WNT5B: variants seen among roughly 807,000 people sequenced by gnomAD.
The protein encoded by WNT5B is Wnt family member 5B.
In WNT5B, 18 loss-of-function variants were observed where a neutral mutation model predicts 36.5. The ratio of observed to expected loss-of-function variants is 0.49; its 90% CI spans 0.34 to 0.73. The LOEUF (loss-of-function observed/expected upper bound fraction) is 0.73, where lower values mean the gene tolerates loss of function less well. Ranked by LOEUF, WNT5B falls within the 30% of genes least tolerant of loss-of-function variation. WNT5B has a pLI of 0.01. For synonymous variants in WNT5B, 213 were observed against 212.3 expected, an observed-to-expected ratio of 1.00 and a Z score of -0.03; for missense variants, 424 against 508.4, an observed-to-expected ratio of 0.83 and a Z score of 1.60.
At chr12:1,620,732 T>G (rs2094532652) in intron 1 of WNT5B, among the ~76,000 whole-genome samples, 1 of 137,706 alleles carries the variant, frequency 7.3e-6, no homozygotes, top group Non-Finnish European at 1.6e-5. Flanking sequence ...TTAGACGGAG[T>G]CTCGCTCTGT....
Position 1,646,020 on chromosome 12 carries a change from C to G in WNT5B, c.848C>G (p.Pro283Arg). The G allele has an allele frequency of 1.2e-6, 2 of 1,612,752 alleles. No homozygotes were observed. The highest frequency in any genetic ancestry group is 1.3e-5 in the African/African-American group (1 of 75,068). ...PTPEDLVYVD[P>R]SPDYCLRNES... ...CCGGAGGACCTGGTCTATGTGGACC[C>G]CAGCCCCGACTACTGCCTGCGCAAC... is the stretch of plus-strand genomic sequence containing the variant. Residue 283 changes from proline (P) to arginine (R), a missense_variant, in exon 5 of 5, where the codon CCC becomes CGC. Transcript: ENST00000397196.
chr12:1,637,742 T>A (rs1330302354), intron 3 of WNT5B, among the ~76,000 whole-genome samples: 1 of 149,812 alleles, frequency 6.7e-6, no homozygotes, highest in Non-Finnish European at 1.5e-5. Context: ...AGACTGAGAC[T>A]CTGTCTCAAA....
intron 1 of WNT5B, among the ~76,000 whole-genome samples, chr12:1,622,166 A>G (rs1464252155): frequency 2.2e-5 from 3 of 137,916 alleles, no homozygotes; most frequent in Admixed American, 1.6e-4. Flanking sequence ...GCTGGAGTGC[A>G]GTGGCGTGAT....
chr12:1,621,707 ATTTTTT>A (rs34640616), intron 1 of WNT5B, among the ~76,000 whole-genome samples: 2 of 141,010 alleles, frequency 1.4e-5, no homozygotes, highest in Non-Finnish European at 3.1e-5. Flanking sequence ...ATATCCAGCT[ATTTTTT>A]TTTTTTTTTT....
chr12:1,630,201 G>A lies in WNT5B; in HGVS notation c.-58+830G>A. On this transcript the variant is annotated intron_variant, in intron 1 of 4. Coordinates refer to ENST00000397196, the MANE Select transcript of WNT5B (RefSeq NM_032642.3). This position sits in a 1 kb window ranked among gnomAD's most constrained non-coding sequence, Gnocchi z 5.3. Reference sequence around the variant, plus strand: ...ACGCGCGAGAGTGGCGCAGTGAGCCGGGGCGCGCGGGGCTGCGCTCGTCAG... The same window carrying A: ...ACGCGCGAGAGTGGCGCAGTGAGCCAGGGCGCGCGGGGCTGCGCTCGTCAG... 2 of 985,390 alleles carry A rather than the reference G, an allele frequency of 2.0e-6. No homozygotes were observed. The highest frequency in any genetic ancestry group is 2.4e-6 in the Non-Finnish European group (2 of 829,930). The allele number at this position is 985,390 out of a possible 1,614,324, so 61.0% of individuals were successfully genotyped here. A position where few individuals can be genotyped will look rare whatever the true frequency, so the allele number is the denominator to read the frequency against.
At chr12:1,628,259 G>A (rs532048675), upstream of WNT5B, among the ~76,000 whole-genome samples, 6 of 151,884 alleles carry the variant, frequency 4.0e-5, no homozygotes, top group African/African-American at 4.8e-5. Context: ...AGGTTCAAGC[G>A]ATTCTCCTGC....
Position 1,646,215 on chromosome 12 carries a change from A to AG in WNT5B, c.1044dup (p.Cys349ValfsTer11), listed in dbSNP as rs1321637608. 2 of 1,613,500 alleles carry AG rather than the reference A, an allele frequency of 1.2e-6. No homozygotes were observed. The highest frequency in any genetic ancestry group is 1.7e-6 in the Non-Finnish European group (2 of 1,179,916). On this transcript the variant is annotated frameshift_variant, in exon 5 of 5. Coordinates refer to ENST00000397196, the MANE Select transcript of WNT5B (RefSeq NM_032642.3). LOFTEE classifies it high-confidence loss of function. ...TGGTGCTGCTTCGTCAGGTGTAAGAAGTGCACGGAGATCGTGGACCAGTAC... is the reference window on the plus strand; with the variant it reads ...TGGTGCTGCTTCGTCAGGTGTAAGAAGGTGCACGGAGATCGTGGACCAGTAC...
rs1344102251 is a variant in WNT5B, at chr12:1,636,497, C to CCA, written c.329-3187_329-3186insCA. On this transcript the variant is annotated intron_variant, in intron 3 of 4. Coordinates refer to ENST00000397196, the MANE Select transcript of WNT5B (RefSeq NM_032642.3). ...TTTAAAGGTTCATCTGTGTTGCAGT[C>CCA]TATATATATATATATATATATATAT... 1.5e-3 allele frequency among the ~76,000 whole-genome samples: 123 copies of CCA among 81,106 alleles called. 1 individual carries two copies. Among genetic ancestry groups the CCA allele is most frequent in the African/African-American group, 4.8e-3 (105 of 21,932 alleles). 53.2% of individuals were successfully genotyped at this position (81,106 alleles called of 152,430 possible). A position where few individuals can be genotyped will look rare whatever the true frequency, so the allele number is the denominator to read the frequency against.
chr12:1,624,011 G>A (rs896974878), intron 1 of WNT5B, among the ~76,000 whole-genome samples: 2 of 152,104 alleles, frequency 1.3e-5, no homozygotes, highest in Middle Eastern at 3.2e-3. Flanking sequence ...CTTGCTTTTT[G>A]TGATATCTCC....
chr12:1,640,489 T>TA (rs1181994416), intron 4 of WNT5B, among the ~76,000 whole-genome samples: 1 of 152,194 alleles, frequency 6.6e-6, no homozygotes, highest in East Asian at 1.9e-4. Context: ...ACTTCTGAGC[T>TA]AGGAGATTTT....
intron 3 of WNT5B, among the ~76,000 whole-genome samples, chr12:1,636,177 G>A (rs1025542119): frequency 6.6e-6 from 1 of 151,778 alleles, no homozygotes; most frequent in African/African-American, 2.4e-5. Context: ...CAGCTTTATT[G>A]AGATACATAA....
At chr12:1,635,630 C>A (rs1408501603) in intron 3 of WNT5B, among the ~76,000 whole-genome samples, 2 of 152,188 alleles carry the variant, frequency 1.3e-5, no homozygotes, top group African/African-American at 4.8e-5. Flanking sequence ...TAGCTCGGGG[C>A]TGAAGCTTGG....
chr12:1,644,773 G>C lies in WNT5B; in HGVS notation c.622-1021G>C, dbSNP rs565745741. ...GCCGTTGAAAAGCACTCTGTAAGCAGCTTTCTGGTCTGCTCTTGCTTTTAC... is the reference window on the plus strand; with the variant it reads ...GCCGTTGAAAAGCACTCTGTAAGCACCTTTCTGGTCTGCTCTTGCTTTTAC... On this transcript the variant is annotated intron_variant, in intron 4 of 4. Transcript: ENST00000397196. This position sits in a 1 kb window ranked among gnomAD's most constrained non-coding sequence, Gnocchi z 5.1. 12 of 152,368 alleles carry C rather than the reference G, an allele frequency of 7.9e-5. No homozygotes were observed. The highest frequency in any genetic ancestry group is 2.9e-4 in the African/African-American group (12 of 41,596). 9.4% of individuals were successfully genotyped at this position (152,368 alleles called of 1,614,324 possible).
intron 1 of WNT5B, among the ~76,000 whole-genome samples, chr12:1,621,855 T>C (rs2094534207): frequency 6.6e-6 from 1 of 152,048 alleles, no homozygotes; most frequent in African/African-American, 2.4e-5. Context: ...CCATATTAGA[T>C]TTTGGAGGGA....
Position 1,630,191 on chromosome 12 carries a change from G to T in WNT5B, c.-58+820G>T. 3.0e-6 allele frequency: 3 copies of T among 985,326 alleles called. No individual in the cohort carries two copies. Among genetic ancestry groups the T allele is most frequent in the Non-Finnish European group, 3.6e-6 (3 of 829,920 alleles). 61.0% of individuals were successfully genotyped at this position (985,326 alleles called of 1,614,324 possible). ...GGGGACGCCGACGCGCGAGAGTGGC[G>T]CAGTGAGCCGGGGCGCGCGGGGCTG... On this transcript the variant is annotated intron_variant, in intron 1 of 4. Coordinates refer to ENST00000397196, the MANE Select transcript of WNT5B (RefSeq NM_032642.3). This position sits in a 1 kb window ranked among gnomAD's most constrained non-coding sequence, Gnocchi z 5.3.
chr12:1,639,688 C>G lies in WNT5B; in HGVS notation c.333C>G (p.Ser111Arg). ...CGCCCTGGCCTCATTCTGCAGGCAG[C>G]CGAGAGACCGCCTTCACCCACGCGG... is the stretch of plus-strand genomic sequence containing the variant. ...SVFGRVMQIGSRETAFTHAVS... is the reference protein window; with the variant it reads ...SVFGRVMQIGRRETAFTHAVS... Residue 111 changes from serine (S) to arginine (R), a missense_variant, in exon 4 of 5, where the codon AGC (serine) becomes AGG (arginine). Transcript: ENST00000397196. 1 of 1,555,474 alleles carries G rather than the reference C, an allele frequency of 6.4e-7. No individual in the cohort carries two copies. Among genetic ancestry groups the G allele is most frequent in the South Asian group, 1.2e-5 (1 of 84,642 alleles).
Position 1,639,899 on chromosome 12 carries a change from G to GAGA in WNT5B, c.549_551dup (p.Lys183dup). On this transcript the variant is annotated inframe_insertion, in exon 4 of 5. Coordinates refer to ENST00000397196, the MANE Select transcript of WNT5B (RefSeq NM_032642.3). ...GGAGTTTGTGGATGCCCGGGAGCGAGAGAAGAACTTTGCCAAAGGATCAGA... is the reference window on the plus strand; with the variant it reads ...GGAGTTTGTGGATGCCCGGGAGCGAGAGAAGAAGAACTTTGCCAAAGGATCAGA... 1.2e-6 allele frequency: 2 copies of GAGA among 1,614,126 alleles called. No homozygotes were observed. The highest frequency in any genetic ancestry group is 2.2e-5 in the South Asian group (2 of 91,080).
intron 1 of WNT5B, among the ~76,000 whole-genome samples, chr12:1,619,474 G>A (rs1025713489): frequency 1.3e-5 from 2 of 152,164 alleles, no homozygotes; most frequent in African/African-American, 2.4e-5. Flanking sequence ...GAAGAAAGAT[G>A]AGCATCCGGG....
chr12:1,623,130 G>A (rs1050431841), intron 1 of WNT5B, among the ~76,000 whole-genome samples: 6 of 151,228 alleles, frequency 4.0e-5, no homozygotes, highest in Admixed American at 1.3e-4. Context: ...ATGTAATGGG[G>A]TGAGGAGTTA....
Sources: allele counts gnomAD v4.1 joint callset (sites outside exome capture counted in the v4.1 genomes callset), GRCh38; gene constraint gnomAD v4.1.1; non-coding constraint Gnocchi (gnomAD v3.1); transcripts MANE v1.5; gene names NCBI Gene and HGNC (gene_info 2026-07-23, HGNC 2026-07-21).